Variants in SMOC2 observed in about 807,000 individuals in gnomAD.
SMOC2 encodes the protein SPARC related modular calcium binding 2, also known as SPARC-related modular calcium-binding protein 2.
Under a neutral mutation model 61.4 loss-of-function variants are expected in SMOC2, and 39 were observed. The observed-to-expected ratio is 0.64, with a 90% CI of 0.49 to 0.83. SMOC2 has a LOEUF of 0.83. Among genes scored for constraint, SMOC2 ranks in the 40% least tolerant of loss-of-function variants. The pLI is 0.00. For missense variants in SMOC2, 556 were observed against 592.9 expected (o/e 0.94, Z 0.65); for synonymous variants, 247 against 239.9 (o/e 1.03, Z -0.27).
intron 9 of SMOC2, among the ~76,000 whole-genome samples, chr6:168,623,864 C>A (rs545355198): frequency 6.6e-6 from 1 of 152,218 alleles, no homozygotes; most frequent in Non-Finnish European, 1.5e-5. Flanking sequence ...GTGGCTGATG[C>A]GTGCTGAGGC....
intron 7 of SMOC2, among the ~76,000 whole-genome samples, chr6:168,560,161 C>A (rs564432805): frequency 6.6e-6 from 1 of 152,270 alleles, no homozygotes; most frequent in East Asian, 1.9e-4. Flanking sequence ...CATCTTTCCC[C>A]TTTTATGTAC....
rs1486912432 is a variant in SMOC2, at chr6:168,615,036, T to C, written c.907+6797T>C. 3.4e-5 allele frequency among the ~76,000 whole-genome samples: 3 copies of C among 88,140 alleles called. 1 individual carries two copies. The highest frequency in any genetic ancestry group is 1.3e-4 in the African/African-American group (3 of 23,378). 57.8% of individuals were successfully genotyped at this position (88,140 alleles called of 152,430 possible). On this transcript the variant is annotated intron_variant, in intron 9 of 12. Coordinates refer to ENST00000356284, the MANE Select transcript of SMOC2 (RefSeq NM_001166412.2). ...ATACCTACAGCCAGCACAGGGCCTC[T>C]TCACATCTACAGCCAGCACAGGGCC...
intron 7 of SMOC2, among the ~76,000 whole-genome samples, chr6:168,570,998 T>C (rs914171003): frequency 2.6e-5 from 4 of 152,162 alleles, no homozygotes; most frequent in Non-Finnish European, 5.9e-5. Context: ...GTCTGAGCAG[T>C]GCAGGATTAT....
intron 7 of SMOC2, among the ~76,000 whole-genome samples, chr6:168,558,673 C>T (rs1416996370): frequency 2.0e-5 from 3 of 152,206 alleles, no homozygotes; most frequent in African/African-American, 7.2e-5. Context: ...AATTAACTTC[C>T]AGGTGTGCAC....
At chr6:168,511,839 C>G (rs1783018162) in intron 2 of SMOC2, among the ~76,000 whole-genome samples, 1 of 100,210 alleles carries the variant, frequency 1.0e-5, no homozygotes, top group Admixed American at 1.2e-4. Flanking sequence ...TCTGAAATTA[C>G]AGTTTGTTCA....
At chr6:168,582,838 G>A (rs554194671) in intron 7 of SMOC2, among the ~76,000 whole-genome samples, 1 of 152,186 alleles carries the variant, frequency 6.6e-6, no homozygotes, top group East Asian at 1.9e-4. Context: ...GAAGACCCGG[G>A]GGCCGAGGGT....
intron 1 of SMOC2, among the ~76,000 whole-genome samples, chr6:168,454,797 A>G (rs1781545396): frequency 6.6e-6 from 1 of 152,194 alleles, no homozygotes; most frequent in Admixed American, 6.5e-5. Context: ...TCCTGAAGCT[A>G]CACCTGTACT....
At chr6:168,621,734 C>T (rs1052001759) in intron 9 of SMOC2, among the ~76,000 whole-genome samples, 1 of 151,932 alleles carries the variant, frequency 6.6e-6, no homozygotes, top group African/African-American at 2.4e-5. Context: ...CACGCGGACT[C>T]ACTCGCTATC....
chr6:168,659,709 G>GT (rs1583194745), intron 11 of SMOC2, among the ~76,000 whole-genome samples: 39 of 10,928 alleles, frequency 3.6e-3, no homozygotes, highest in Admixed American at 9.0e-3. Flanking sequence ...GGTGGAGGTT[G>GT]TAGGCTGAGT....
intron 1 of SMOC2, among the ~76,000 whole-genome samples, chr6:168,497,376 G>A (rs6941849): frequency 0.044 from 6,644 of 152,332 alleles, 407 homozygotes; most frequent in African/African-American, 0.14. Context: ...GCCCCCAGGC[G>A]TGGGCAAAGG....
rs1785680130 is a variant in SMOC2 at position 168,606,090 on chromosome 6, G to T, written c.825-2067G>T. Among the ~76,000 whole-genome samples the T allele has an allele frequency of 2.0e-5, 3 of 152,134 alleles. No individual in the cohort carries two copies. In the South Asian group the frequency reaches 6.2e-4, roughly 31 times the overall value. The stretch of plus-strand genomic sequence containing the variant: ...AGTTCTACAAATTTAACACGCATAA[G>T]TAAAAATAAGAGCTTCCTAATCCCT... On this transcript the variant is annotated intron_variant, in intron 8 of 12. Transcript: ENST00000356284.
Position 168,553,042 on chromosome 6 carries a change from C to G in SMOC2, c.637+3839C>G, listed in dbSNP as rs1475417180. 2.0e-5 allele frequency among the ~76,000 whole-genome samples: 3 copies of G among 152,128 alleles called. No homozygotes were observed. The highest frequency in any genetic ancestry group is 4.4e-5 in the Non-Finnish European group (3 of 68,020). On this transcript the variant is annotated intron_variant, in intron 7 of 12. Coordinates refer to ENST00000356284, the MANE Select transcript of SMOC2 (RefSeq NM_001166412.2). The surrounding 1 kb of genome is among the most constrained non-coding windows in gnomAD (Gnocchi z 4.2). ...TGTAGCATCATTACTCTTTTTAAAACAAGCTGAATGAAACAAACAAAATAA... is the reference window on the plus strand; with the variant it reads ...TGTAGCATCATTACTCTTTTTAAAAGAAGCTGAATGAAACAAACAAAATAA...
At chr6:168,616,848 A>G (rs1002664847) in intron 9 of SMOC2, among the ~76,000 whole-genome samples, 15 of 152,330 alleles carry the variant, frequency 9.8e-5, no homozygotes, top group Middle Eastern at 3.4e-3. Context: ...GGTGGTTTTC[A>G]AGAACCGGTG....
chr6:168,536,538 A>T (rs116494967), intron 4 of SMOC2, among the ~76,000 whole-genome samples: 1,789 of 152,182 alleles, frequency 0.012, 33 homozygotes, highest in African/African-American at 0.041. Context: ...GGCAGGAAGG[A>T]GGTCCTACCA....
intron 1 of SMOC2, among the ~76,000 whole-genome samples, chr6:168,470,675 T>G (rs1272828470): frequency 6.6e-6 from 1 of 152,044 alleles, no homozygotes; most frequent in East Asian, 1.9e-4. Context: ...GGACTCCATC[T>G]GAAAAAAGTA....
intron 7 of SMOC2, among the ~76,000 whole-genome samples, chr6:168,591,264 C>CT (rs1329500799): frequency 2.0e-5 from 3 of 152,238 alleles, no homozygotes; most frequent in Non-Finnish European, 4.4e-5. Context: ...GGCCAGGGAT[C>CT]TGAGCCACAG....
At chr6:168,551,046 T>C (rs1226880262) in intron 7 of SMOC2, among the ~76,000 whole-genome samples, 6 of 152,212 alleles carry the variant, frequency 3.9e-5, no homozygotes, top group African/African-American at 7.2e-5. Flanking sequence ...GTGGAGATAA[T>C]TGAATCATGA....
chr6:168,497,912 G>C (rs1782631790), intron 1 of SMOC2, among the ~76,000 whole-genome samples: 1 of 152,150 alleles, frequency 6.6e-6, no homozygotes, highest in South Asian at 2.1e-4. Context: ...TGGAGACACA[G>C]GGCTGGAGGC....
rs144301108 is a variant in SMOC2 at position 168,485,030 on chromosome 6, G to A, written c.85-24885G>A. ...GTTCTGGAGACAGATGGTGGTGATAGTTATACAACATGATGAATGTATTTA... is the reference window on the plus strand; with the variant it reads ...GTTCTGGAGACAGATGGTGGTGATAATTATACAACATGATGAATGTATTTA... On this transcript the variant is annotated intron_variant, in intron 1 of 12. Transcript: ENST00000356284. Among the ~76,000 whole-genome samples, 15 of 152,238 alleles carry A rather than the reference G, an allele frequency of 9.9e-5. No homozygotes were observed. In the East Asian group the frequency reaches 2.9e-3, roughly 29 times the overall value.
Sources: gnomAD v4.1 joint callset for allele counts (sites outside exome capture counted in the v4.1 genomes callset) on GRCh38, gnomAD v4.1.1 for gene constraint, Gnocchi (gnomAD v3.1) non-coding constraint, MANE v1.5 for transcripts, NCBI Gene and HGNC (gene_info 2026-07-23, HGNC 2026-07-21) for gene names.